Variants in RNF111 observed in about 807,000 individuals in gnomAD.
The protein encoded by RNF111 is E3 ubiquitin-protein ligase Arkadia.
A neutral mutation model predicts 95.1 loss-of-function variants in RNF111; 17 were observed. The observed-to-expected ratio is 0.18, with a 90% CI of 0.12 to 0.27. The LOEUF (loss-of-function observed/expected upper bound fraction) is 0.27, where lower values mean the gene tolerates loss of function less well. Among genes scored for constraint, RNF111 ranks in the 10% least tolerant of loss-of-function variants. RNF111 has a pLI of 1.00. For missense variants in RNF111, 1,189 were observed against 1,210.4 expected, an observed-to-expected ratio of 0.98 and a Z score of 0.26; for synonymous variants, 440 against 414.8, an observed-to-expected ratio of 1.06 and a Z score of -0.74.
chr15:59,055,938 A>G (rs1385064171), intron 4 of RNF111, 93 bp downstream of exon 4: 1 of 933,096 alleles, frequency 1.1e-6, no homozygotes, highest in Non-Finnish European at 1.5e-6. Context: ...CTTACTGGTA[A>G]TATATTATTA....
At chr15:59,035,111 A>C (rs142217092) in intron 2 of RNF111, among the ~76,000 whole-genome samples, 17 of 152,322 alleles carry the variant, frequency 1.1e-4, no homozygotes, top group African/African-American at 4.1e-4. Flanking sequence ...TCCCATTTAT[A>C]AAACCATCAG....
In RNF111 at chr15:59,031,717, G is replaced by A. The variant is rs773736858; in HGVS notation, c.880+15G>A. 2.5e-6 allele frequency: 4 copies of A among 1,606,764 alleles called. No homozygotes were observed. The African/African-American group carries it at 5.4e-5, about 22-fold the overall frequency. Reference sequence around the variant, plus strand: ...TGTTCCCTCAGGTAAAAATGTTTAAGCTGAGTAAAACATGGAACCTATTGC... The same window carrying A: ...TGTTCCCTCAGGTAAAAATGTTTAAACTGAGTAAAACATGGAACCTATTGC... On this transcript the variant is annotated intron_variant, in intron 2 of 13. Transcript: ENST00000348370.
In RNF111 at chr15:59,095,060, G is replaced by T; in HGVS notation, c.*160G>T. The T allele has an allele frequency of 3.2e-6, 2 of 631,080 alleles. No individual in the cohort carries two copies. Among genetic ancestry groups the T allele is most frequent in the East Asian group, 3.0e-5 (1 of 32,870 alleles). 39.1% of individuals were successfully genotyped at this position (631,080 alleles called of 1,614,324 possible). A position where few individuals can be genotyped will look rare whatever the true frequency, so the allele number is the denominator to read the frequency against. Reference sequence around the variant, plus strand: ...AACTAATGCTAGACCTACAGTTTATGTATACAGTTGATTTTGATGTATTTA... The same window carrying T: ...AACTAATGCTAGACCTACAGTTTATTTATACAGTTGATTTTGATGTATTTA... On this transcript the variant is annotated 3_prime_UTR_variant, in exon 14 of 14. Transcript: ENST00000348370.
At chr15:59,026,759 G>A (rs1376940352) in intron 1 of RNF111, among the ~76,000 whole-genome samples, 1 of 151,910 alleles carries the variant, frequency 6.6e-6, no homozygotes, top group Non-Finnish European at 1.5e-5. Flanking sequence ...ATACAGCGAT[G>A]GATTTTAGAA....
At chr15:59,000,246 C>G (rs1200143779) in intron 1 of RNF111, among the ~76,000 whole-genome samples, 1 of 145,534 alleles carries the variant, frequency 6.9e-6, no homozygotes, top group Non-Finnish European at 1.5e-5. Flanking sequence ...TCACTACATT[C>G]TCTGCCTCCT....
rs139679728 is a variant in RNF111, at chr15:59,055,768, G to A, written c.1094G>A (p.Arg365His). 26 of 1,613,632 alleles carry A rather than the reference G, an allele frequency of 1.6e-5. No individual in the cohort carries two copies. Among genetic ancestry groups the A allele is most frequent in the African/African-American group, 1.6e-4 (12 of 74,874 alleles). Residue 365 changes from arginine (R) to histidine (H), a missense_variant, in exon 4 of 14, where the codon CGC becomes CAC. By Grantham distance (29) the Arg-to-His change is conservative (BLOSUM62 0). Around this residue, in one of 2 missense-constraint regions of RNF111, gnomAD observed 1,024 missense variants for 925.9 expected, o/e 1.11. Coordinates refer to ENST00000348370, the MANE Select transcript of RNF111 (RefSeq NM_017610.8). ...AGTCGGCCACAGGAGCCACGGAACC[G>A]CAGTAGGATTTCTACTGTTATACAG... The part of the protein sequence containing the change: ...HASRPQEPRN[R>H]SRISTVIQPL...
intron 1 of RNF111, among the ~76,000 whole-genome samples, chr15:59,010,557 A>G (rs1325085977): frequency 6.6e-6 from 1 of 152,064 alleles, no homozygotes; most frequent in African/African-American, 2.4e-5. Flanking sequence ...GCCCACCACC[A>G]CACCTAACTA....
intron 1 of RNF111, among the ~76,000 whole-genome samples, chr15:59,006,014 A>G (rs2039525370): frequency 6.6e-6 from 1 of 152,160 alleles, no homozygotes. Context: ...GGAAGTCACT[A>G]TTTCTGTATT....
rs1596325226 is a variant in RNF111, at chr15:59,095,868, G to A, written c.*968G>A. On this transcript the variant is annotated 3_prime_UTR_variant, in exon 14 of 14. Transcript: ENST00000348370. ...GATTTGGAATTTAAGTCACTGGCAGGTATCTGTGCATTCATAGAACTTATA... is the reference window on the plus strand; with the variant it reads ...GATTTGGAATTTAAGTCACTGGCAGATATCTGTGCATTCATAGAACTTATA... The A allele has an allele frequency of 7.6e-6, 3 of 396,270 alleles. No individual in the cohort carries two copies. The highest frequency in any genetic ancestry group is 7.2e-5 in the East Asian group (2 of 27,854). 24.5% of individuals were successfully genotyped at this position (396,270 alleles called of 1,614,324 possible).
At chr15:59,018,050 C>T (rs961197657) in intron 1 of RNF111, among the ~76,000 whole-genome samples, 1 of 152,078 alleles carries the variant, frequency 6.6e-6, no homozygotes, top group African/African-American at 2.4e-5. Context: ...TGAGGCACCA[C>T]GCCCGGCCTA....
chr15:58,996,782 T>G (rs1290653872), intron 1 of RNF111, among the ~76,000 whole-genome samples: 2 of 151,732 alleles, frequency 1.3e-5, no homozygotes, highest in African/African-American at 4.8e-5. Context: ...TAATGTGTGT[T>G]TTTTCAAAGT....
At chr15:59,074,995 C>T (rs2140128016) in intron 6 of RNF111, among the ~76,000 whole-genome samples, 1 of 152,312 alleles carries the variant, frequency 6.6e-6, no homozygotes, top group East Asian at 1.9e-4. Context: ...AACATCTGGT[C>T]AGGACACACA....
chr15:59,084,018 A>C lies in RNF111; in HGVS notation c.2298-111A>C, dbSNP rs558453777. The stretch of plus-strand genomic sequence containing the variant: ...TTATTATAAAATTTATTTTATGACT[A>C]ATCTATAGATGTTTATAGTATTAAT... On this transcript the variant is annotated intron_variant, in intron 8 of 13. Transcript: ENST00000348370. 168 of 797,052 alleles carry C rather than the reference A, an allele frequency of 2.1e-4. No individual in the cohort carries two copies. The African/African-American group carries it at 2.8e-3, about 13-fold the overall frequency. 49.4% of individuals were successfully genotyped at this position (797,052 alleles called of 1,614,324 possible). A position where few individuals can be genotyped will look rare whatever the true frequency, so the allele number is the denominator to read the frequency against.
intron 5 of RNF111, among the ~76,000 whole-genome samples, chr15:59,061,765 A>G (rs1308669210): frequency 6.6e-6 from 1 of 152,136 alleles, no homozygotes; most frequent in African/African-American, 2.4e-5. Flanking sequence ...TCATTTCCTT[A>G]GTACATGCAC....
At chr15:59,069,029 A>G (rs1421059505) in intron 6 of RNF111, among the ~76,000 whole-genome samples, 3 of 148,034 alleles carry the variant, frequency 2.0e-5, no homozygotes, top group Non-Finnish European at 4.5e-5. Flanking sequence ...AGCTGAGATC[A>G]TGCCACCACA....
intron 1 of RNF111, among the ~76,000 whole-genome samples, chr15:59,021,609 G>A (rs527489029): frequency 5.5e-4 from 83 of 152,006 alleles, no homozygotes; most frequent in Non-Finnish European, 7.8e-4. Flanking sequence ...TAACCGTTAC[G>A]GAATTTTATG....
chr15:59,021,533 G>T (rs1223235714), intron 1 of RNF111, among the ~76,000 whole-genome samples: 1 of 152,114 alleles, frequency 6.6e-6, no homozygotes, highest in East Asian at 1.9e-4. Context: ...GTATGTACCT[G>T]CTCCTTTAGG....
chr15:59,093,551 C>G, intron 13 of RNF111: 1 of 325,256 alleles, frequency 3.1e-6, no homozygotes, highest in Non-Finnish European at 6.1e-6. Context: ...AAAATTTCCT[C>G]TAAACTAGTA....
intron 1 of RNF111, among the ~76,000 whole-genome samples, chr15:58,991,120 C>A (rs1168995238): frequency 6.6e-6 from 1 of 151,880 alleles, no homozygotes; most frequent in African/African-American, 2.4e-5. Context: ...GGTGAAACCC[C>A]GTCTGTACTA....
Sources: gnomAD v4.1 joint callset for allele counts (sites outside exome capture counted in the v4.1 genomes callset) on GRCh38, gnomAD v4.1.1 for gene constraint, gnomAD v4.1.1 regional missense constraint, MANE v1.5 for transcripts, NCBI Gene and HGNC (gene_info 2026-07-23, HGNC 2026-07-21) for gene names.